The following CAST variants were observed in gnomAD, a reference collection of about 807,000 sequenced individuals.
The protein encoded by CAST is calpastatin.
In CAST, 76 loss-of-function variants were observed where a neutral mutation model predicts 119.6. The ratio of observed to expected loss-of-function variants is 0.64; its 90% CI spans 0.53 to 0.77. CAST has a LOEUF of 0.77. Among genes scored for constraint, CAST ranks in the 30% least tolerant of loss-of-function variants. The probability of loss-of-function intolerance (pLI) is 0.00; values close to 1 mark genes in which losing one functional copy is unlikely to be tolerated. For synonymous variants in CAST, 319 were observed against 331.6 expected (o/e 0.96, Z 0.41); for missense variants, 953 against 946.5 (o/e 1.01, Z -0.09).
chr5:96,722,539 G>C, intron 3 of CAST, 100 bp from the exon 4 acceptor site: 1 of 876,518 alleles, frequency 1.1e-6, no homozygotes, highest in Non-Finnish European at 1.9e-6. Context: ...GTAAAACCAA[G>C]GTAAAGGGCC....
intron 1 of CAST, among the ~76,000 whole-genome samples, chr5:96,581,511 C>T (rs143198364): frequency 8.1e-4 from 124 of 152,256 alleles, no homozygotes; most frequent in Non-Finnish European, 3.2e-4. Flanking sequence ...TTTGGTTTGT[C>T]AATTCTACTT....
chr5:96,690,594 G>GT (rs1752620636), intron 2 of CAST, among the ~76,000 whole-genome samples: 1 of 152,144 alleles, frequency 6.6e-6, no homozygotes, highest in South Asian at 2.1e-4. Context: ...ATGACTTAGT[G>GT]TTTTTTAGAG....
chr5:95,961,923 C>T, the CAST span: 72 of 655,896 alleles, frequency 1.1e-4, no homozygotes, highest in Non-Finnish European at 1.6e-4. Flanking sequence ...CCGCCCCGGG[C>T]TCGTCTCATT....
the CAST span, among the ~76,000 whole-genome samples, chr5:96,465,149 A>G: frequency 6.6e-6 from 1 of 151,786 alleles, no homozygotes; most frequent in African/African-American, 2.4e-5. Context: ...TTTTCTAAGT[A>G]TTTGATATTT....
At chr5:96,558,007 C>T (rs948449864) in intron 1 of CAST, among the ~76,000 whole-genome samples, 4 of 152,192 alleles carry the variant, frequency 2.6e-5, no homozygotes, top group Non-Finnish European at 4.4e-5. Flanking sequence ...CAAACTGTCT[C>T]TCAGACCACA....
At chr5:96,069,020 A>T in the CAST span, among the ~76,000 whole-genome samples, 94,969 of 151,108 alleles carry the variant, frequency 0.63, 30,060 homozygotes, top group African/African-American at 0.67. Flanking sequence ...CATGTGTATA[A>T]CCAGATGTAT....
chr5:96,335,441 A>T, the CAST span, among the ~76,000 whole-genome samples: 8 of 152,248 alleles, frequency 5.3e-5, no homozygotes, highest in South Asian at 1.5e-3. Context: ...ATATTCTCTC[A>T]GCTTGCCTCA....
At chr5:96,702,029 C>T (rs138451737) in intron 3 of CAST, among the ~76,000 whole-genome samples, 43 of 152,266 alleles carry the variant, frequency 2.8e-4, no homozygotes, top group Non-Finnish European at 5.6e-4. Context: ...TTTCATGCCA[C>T]TGGCCATCAT....
At chr5:96,530,389 G>A (rs1386768462) in intron 1 of CAST, among the ~76,000 whole-genome samples, 1 of 152,196 alleles carries the variant, frequency 6.6e-6, no homozygotes. Flanking sequence ...CCTGAATACA[G>A]GCACTATATT....
the CAST span, among the ~76,000 whole-genome samples, chr5:96,231,382 T>C: frequency 1.3e-3 from 202 of 152,270 alleles, no homozygotes; most frequent in African/African-American, 4.8e-3. Flanking sequence ...AGTCGTAAGA[T>C]ACCACATATT....
chr5:96,556,549 C>T (rs1269061962), intron 1 of CAST, among the ~76,000 whole-genome samples: 5 of 152,206 alleles, frequency 3.3e-5, no homozygotes, highest in Non-Finnish European at 5.9e-5. Flanking sequence ...AGCACGAGAA[C>T]TATGTGACCA....
intron 1 of CAST, among the ~76,000 whole-genome samples, chr5:96,621,838 G>C (rs879354042): frequency 1.3e-5 from 2 of 152,040 alleles, no homozygotes; most frequent in Non-Finnish European, 2.9e-5. Context: ...GTCACTTCCT[G>C]TTCCAAGAAG....
chr5:96,662,319 C>T, upstream of CAST: 1 of 1,014,582 alleles, frequency 9.9e-7, no homozygotes, highest in African/African-American at 2.0e-5. Flanking sequence ...CCGGGCCCTC[C>T]GCTCCCTCCC....
chr5:96,317,370 G>A, the CAST span, among the ~76,000 whole-genome samples: 1 of 149,532 alleles, frequency 6.7e-6, no homozygotes, highest in Non-Finnish European at 1.5e-5. Flanking sequence ...CCAACTACTA[G>A]GGAGGCTGAG....
the CAST span, among the ~76,000 whole-genome samples, chr5:96,012,190 A>G: frequency 2.6e-5 from 4 of 152,172 alleles, no homozygotes; most frequent in African/African-American, 9.6e-5. Context: ...TGTTGTTTGT[A>G]GTTAATGTCA....
chr5:96,061,158 A>G, the CAST span, among the ~76,000 whole-genome samples: 1 of 152,080 alleles, frequency 6.6e-6, no homozygotes, highest in Non-Finnish European at 1.5e-5. Flanking sequence ...GGGACACAAA[A>G]TTCCACTCCT....
At chr5:96,230,782 A>C in the CAST span, among the ~76,000 whole-genome samples, 1 of 152,106 alleles carries the variant, frequency 6.6e-6, no homozygotes. Flanking sequence ...CATATAAAGA[A>C]CTCCTACAAC....
At chr5:96,196,815 T>C in the CAST span, among the ~76,000 whole-genome samples, 2 of 152,204 alleles carry the variant, frequency 1.3e-5, no homozygotes, top group African/African-American at 4.8e-5. Context: ...CTTTTTATCT[T>C]ATAAAAATAA....
chr5:96,176,165 A>G, the CAST span, among the ~76,000 whole-genome samples: 1 of 152,162 alleles, frequency 6.6e-6, no homozygotes, highest in Non-Finnish European at 1.5e-5. Context: ...TCTTCTACAC[A>G]GAGGAACATG....
Sources: gnomAD v4.1 joint callset for allele counts (sites outside exome capture counted in the v4.1 genomes callset) on GRCh38, gnomAD v4.1.1 for gene constraint, MANE v1.5 for transcripts, NCBI Gene and HGNC (gene_info 2026-07-23, HGNC 2026-07-21) for gene names.